STX7: variants seen among roughly 807,000 people sequenced by gnomAD.
STX7 encodes syntaxin 7, also known as syntaxin-7.
A neutral mutation model predicts 39.6 loss-of-function variants in STX7; 34 were observed. The ratio of observed to expected loss-of-function variants is 0.86; its 90% CI spans 0.65 to 1.14. The LOEUF is 1.14. STX7 is among the 50% of genes most tolerant of loss of function. The pLI is 0.00. For synonymous variants in STX7, 119 were observed against 99.1 expected, an observed-to-expected ratio of 1.20 and a Z score of -1.19; for missense variants, 284 against 310.4, an observed-to-expected ratio of 0.92 and a Z score of 0.64.
intron 1 of STX7, among the ~76,000 whole-genome samples, chr6:132,505,376 G>A (rs1159460108): frequency 6.6e-6 from 1 of 152,180 alleles, no homozygotes; most frequent in Non-Finnish European, 1.5e-5. Context: ...GAGACCATTA[G>A]AACAGTACTG....
intron 7 of STX7, among the ~76,000 whole-genome samples, chr6:132,468,678 C>G (rs1216574195): frequency 6.6e-6 from 1 of 151,650 alleles, no homozygotes; most frequent in Non-Finnish European, 1.5e-5. Context: ...CACCAGTTCT[C>G]TAAAATCAGT....
At chr6:132,470,665 A>G in intron 5 of STX7, 39 bp from the exon 6 acceptor site, 1 of 1,464,266 alleles carries the variant, frequency 6.8e-7, no homozygotes, top group African/African-American at 1.4e-5. Context: ...AGAAGGGGCA[A>G]AAAAAGCAAA....
chr6:132,476,615 A>C (rs1400980097), intron 2 of STX7, among the ~76,000 whole-genome samples: 1 of 152,180 alleles, frequency 6.6e-6, no homozygotes, highest in Non-Finnish European at 1.5e-5. Context: ...GAAAGTAAAA[A>C]ACACATTAAA....
At chr6:132,506,178 A>G (rs1775702679) in intron 1 of STX7, among the ~76,000 whole-genome samples, 1 of 151,988 alleles carries the variant, frequency 6.6e-6, no homozygotes, top group Non-Finnish European at 1.5e-5. Context: ...TCTTCTGGAC[A>G]TTGGTTTAGG....
chr6:132,487,471 C>T (rs576537542), intron 2 of STX7, among the ~76,000 whole-genome samples: 192 of 152,164 alleles, frequency 1.3e-3, no homozygotes, highest in African/African-American at 4.5e-3. Flanking sequence ...ACACCAGGGC[C>T]TGTCAGGGGA....
chr6:132,512,534 G>C (rs1398039764), intron 1 of STX7, among the ~76,000 whole-genome samples: 1 of 152,128 alleles, frequency 6.6e-6, no homozygotes, highest in East Asian at 1.9e-4. Context: ...TACACGGTTC[G>C]CCTGCTACAG....
In STX7 at chr6:132,491,397, G is replaced by A. The variant is rs556923844; in HGVS notation, c.85+12049C>T. 2.0e-5 allele frequency among the ~76,000 whole-genome samples: 3 copies of A among 152,104 alleles called. No homozygotes were observed. In the East Asian group the frequency reaches 5.8e-4, roughly 29 times the overall value. ...AGACTGAAGGAACTCAGAAAAGAAGGACAAATTCAAAAATAAAGACCCCAT... is the reference window on the plus strand; with the variant it reads ...AGACTGAAGGAACTCAGAAAAGAAGAACAAATTCAAAAATAAAGACCCCAT... On this transcript the variant is annotated intron_variant, in intron 2 of 9. Coordinates refer to ENST00000367941, the MANE Select transcript of STX7 (RefSeq NM_003569.3).
Position 132,472,306 on chromosome 6 carries a change from A to G in STX7, c.225T>C (p.Ser75=). The change falls in exon 4 of 10, where the codon TCT becomes TCC. Residue 75 remains serine, a synonymous_variant. Transcript: ENST00000367941. ...CCTGTTCACTGGGGGTGGTGGGCAG[A>G]GATCCAAACTCTTTAATGTACTTAT... ...ETDKYIKEFG[S]LPTTPSEQRQ... The G allele has an allele frequency of 6.2e-7, 1 of 1,613,384 alleles. No individual in the cohort carries two copies. The highest frequency in any genetic ancestry group is 8.5e-7 in the Non-Finnish European group (1 of 1,179,754).
At chr6:132,476,363 T>C (rs931939593) in intron 2 of STX7, among the ~76,000 whole-genome samples, 7 of 151,972 alleles carry the variant, frequency 4.6e-5, no homozygotes, top group Non-Finnish European at 1.0e-4. Context: ...ATGAATCTAA[T>C]CACAAAAAGA....
rs747981011 is a variant in STX7, at chr6:132,470,012, TC to T, written c.475del (p.Glu159LysfsTer36). 1.9e-6 allele frequency: 3 copies of T among 1,596,278 alleles called. No individual in the cohort carries two copies. Among genetic ancestry groups the T allele is most frequent in the South Asian group, 1.1e-5 (1 of 87,380 alleles). ...AAGACGGAGGTCATCCTCTGTAATT[TC>T]TTCATCCTGCACCTGCACTTGAGGT... ...TQPQVQVQDEEITEDDLRLIH... is the reference protein window; with the variant it reads ...TQPQVQVQDEXITEDDLRLIH... On this transcript the variant is annotated frameshift_variant, in exon 7 of 10. Transcript: ENST00000367941. LOFTEE classifies it high-confidence loss of function.
At chr6:132,481,241 C>A (rs1341327345) in intron 2 of STX7, among the ~76,000 whole-genome samples, 3 of 151,972 alleles carry the variant, frequency 2.0e-5, no homozygotes, top group African/African-American at 4.8e-5. Flanking sequence ...TTATTTTGGG[C>A]CACCTAATAC....
At chr6:132,499,817 T>A (rs1285947594) in intron 2 of STX7, among the ~76,000 whole-genome samples, 3 of 152,240 alleles carry the variant, frequency 2.0e-5, no homozygotes, top group Admixed American at 1.3e-4. Context: ...AAAGTAGATG[T>A]TTGATATCTC....
intron 2 of STX7, among the ~76,000 whole-genome samples, chr6:132,479,443 C>A (rs899671814): frequency 1.3e-5 from 2 of 152,218 alleles, no homozygotes; most frequent in African/African-American, 4.8e-5. Flanking sequence ...CCTTTTGAGA[C>A]TTGTTCTGGC....
chr6:132,503,552 ATT>A lies in STX7; in HGVS notation c.-24_-23del. On this transcript the variant is annotated 5_prime_UTR_variant, in exon 2 of 10. It introduces an in-frame stop codon into an upstream open reading frame of the 5' UTR. Coordinates refer to ENST00000367941, the MANE Select transcript of STX7 (RefSeq NM_003569.3). Reference sequence around the variant, plus strand: ...ACATGGTTGATGTTCTTATTCGCTAATTTCATCAGATGCTGTGCAGTTTTCTA... The same window carrying A: ...ACATGGTTGATGTTCTTATTCGCTAATCATCAGATGCTGTGCAGTTTTCTA... 2 of 1,589,890 alleles carry A rather than the reference ATT, an allele frequency of 1.3e-6. No individual in the cohort carries two copies. Among genetic ancestry groups the A allele is most frequent in the Non-Finnish European group, 1.7e-6 (2 of 1,158,382 alleles).
At chr6:132,505,737 C>CT (rs1159813026) in intron 1 of STX7, among the ~76,000 whole-genome samples, 12 of 37,082 alleles carry the variant, frequency 3.2e-4, no homozygotes, top group South Asian at 1.4e-3. Flanking sequence ...CTCCAAGTCA[C>CT]TTAAAAAAAA....
chr6:132,490,855 C>T (rs181641702), intron 2 of STX7, among the ~76,000 whole-genome samples: 199 of 152,264 alleles, frequency 1.3e-3, no homozygotes, highest in African/African-American at 4.6e-3. Flanking sequence ...GGTGTCTGTG[C>T]ATCTTGGGGC....
At chr6:132,486,562 T>A (rs1775136690) in intron 2 of STX7, among the ~76,000 whole-genome samples, 1 of 152,216 alleles carries the variant, frequency 6.6e-6, no homozygotes, top group Non-Finnish European at 1.5e-5. Flanking sequence ...ACTCCACTTG[T>A]TACATCCTTT....
chr6:132,500,963 T>C (rs982159151), intron 2 of STX7, among the ~76,000 whole-genome samples: 16 of 152,172 alleles, frequency 1.1e-4, no homozygotes, highest in African/African-American at 3.9e-4. Flanking sequence ...TGGAGGCCCC[T>C]ATGTTCATGC....
At position 132,462,949 on chromosome 6, in the gene STX7, T is replaced by C. The variant is rs186696047; in HGVS notation, c.693+1044A>G. 2.6e-3 allele frequency among the ~76,000 whole-genome samples: 395 copies of C among 152,224 alleles called. 1 individual carries two copies. The highest frequency in any genetic ancestry group is 0.017 in the Middle Eastern group (5 of 294). ...ATAAGAAGTTAACAGCGGCTGGGCA[T>C]GGTGGCTCCCATCTGTAATCTCAGC... On this transcript the variant is annotated intron_variant, in intron 9 of 9. Transcript: ENST00000367941.
Sources: gnomAD v4.1 joint callset for allele counts (sites outside exome capture counted in the v4.1 genomes callset) on GRCh38, gnomAD v4.1.1 for gene constraint, MANE v1.5 for transcripts, NCBI Gene and HGNC (gene_info 2026-07-23, HGNC 2026-07-21) for gene names.